The following CSMD1 variants were observed in gnomAD, a reference collection of about 807,000 sequenced individuals.
The protein encoded by CSMD1 is CUB and sushi domain-containing protein 1.
In CSMD1, 213 loss-of-function variants were observed where a neutral mutation model predicts 417.5. That is an observed-to-expected ratio of 0.51 (90% confidence interval 0.46 to 0.57). CSMD1 has a LOEUF of 0.57. Ranked by LOEUF, CSMD1 falls within the 20% of genes least tolerant of loss-of-function variation. The pLI, the probability that CSMD1 is intolerant of heterozygous loss-of-function variation, is 0.00. For synonymous variants in CSMD1, 2,862 were observed against 1,736.8 expected, an observed-to-expected ratio of 1.65 and a Z score of -16.11; for missense variants, 6,923 against 4,529.7, an observed-to-expected ratio of 1.53 and a Z score of -15.17.
intron 50 of CSMD1, among the ~76,000 whole-genome samples, chr8:3,038,139 C>T (rs773557538): frequency 4.6e-5 from 7 of 152,048 alleles, no homozygotes; most frequent in Admixed American, 4.6e-4. Context: ...AATAGTGTTC[C>T]AACGCTATCG....
chr8:3,402,776 G>T (rs1006376758), intron 15 of CSMD1, among the ~76,000 whole-genome samples: 1 of 151,850 alleles, frequency 6.6e-6, no homozygotes, highest in Non-Finnish European at 1.5e-5. Flanking sequence ...ACTCACTCTT[G>T]CTTTAAATTG....
At chr8:4,451,165 C>G (rs1228956487) in intron 2 of CSMD1, among the ~76,000 whole-genome samples, 9 of 151,814 alleles carry the variant, frequency 5.9e-5, no homozygotes, top group African/African-American at 1.7e-4. Flanking sequence ...CTGTCTCTAT[C>G]AAAATAATAT....
chr8:4,358,011 G>T (rs975368368), intron 3 of CSMD1, among the ~76,000 whole-genome samples: 9 of 151,996 alleles, frequency 5.9e-5, no homozygotes, highest in African/African-American at 2.2e-4. Flanking sequence ...CCCTTCCCAT[G>T]GAACTTCTGT....
At chr8:4,987,802 C>T (rs115574186) in intron 1 of CSMD1, among the ~76,000 whole-genome samples, 238 of 152,324 alleles carry the variant, frequency 1.6e-3, no homozygotes, top group African/African-American at 5.5e-3. Flanking sequence ...AGCCCACATG[C>T]TGAGTCTTCA....
intron 5 of CSMD1, among the ~76,000 whole-genome samples, chr8:3,978,682 C>G (rs1180480459): frequency 6.6e-6 from 1 of 152,144 alleles, no homozygotes; most frequent in Admixed American, 6.6e-5. Flanking sequence ...TCCTGCCCAA[C>G]CCGGCTCTAC....
At chr8:4,448,791 G>T (rs1369804906) in intron 2 of CSMD1, among the ~76,000 whole-genome samples, 1 of 152,132 alleles carries the variant, frequency 6.6e-6, no homozygotes, top group Non-Finnish European at 1.5e-5. Flanking sequence ...GATGTCATCT[G>T]CAGAAGGAGA....
intron 3 of CSMD1, among the ~76,000 whole-genome samples, chr8:4,112,957 G>T (rs750011964): frequency 1.3e-5 from 2 of 152,194 alleles, no homozygotes; most frequent in East Asian, 3.9e-4. Flanking sequence ...GTTACATTTT[G>T]GTAATTCTTT....
intron 8 of CSMD1, among the ~76,000 whole-genome samples, chr8:3,613,559 C>T (rs1226483681): frequency 6.6e-6 from 1 of 151,862 alleles, no homozygotes; most frequent in Non-Finnish European, 1.5e-5. Context: ...AACATCATTA[C>T]AAATTAATAT....
intron 1 of CSMD1, among the ~76,000 whole-genome samples, chr8:4,800,239 G>C (rs1162015507): frequency 6.6e-6 from 1 of 152,040 alleles, no homozygotes; most frequent in Non-Finnish European, 1.5e-5. Context: ...AGGAGTTGGA[G>C]ACGAGACTAG....
intron 3 of CSMD1, among the ~76,000 whole-genome samples, chr8:4,088,441 C>A (rs1800537241): frequency 6.6e-6 from 1 of 152,242 alleles, no homozygotes; most frequent in South Asian, 2.1e-4. Context: ...AATTTCTCAG[C>A]CTCTGTCTCT....
intron 5 of CSMD1, among the ~76,000 whole-genome samples, chr8:3,964,175 G>T (rs1227600648): frequency 1.3e-5 from 2 of 152,150 alleles, no homozygotes; most frequent in African/African-American, 4.8e-5. Context: ...ATCTTAACAA[G>T]TAAACATTAA....
At chr8:3,586,084 C>T (rs1800585963) in intron 9 of CSMD1, 52 bp downstream of exon 9, 9 of 1,565,806 alleles carry the variant, frequency 5.7e-6, no homozygotes, top group South Asian at 3.5e-5. Context: ...CATAAAAATG[C>T]CAACCTTAAA....
chr8:4,265,315 G>C (rs1463558351), intron 3 of CSMD1, among the ~76,000 whole-genome samples: 3 of 151,912 alleles, frequency 2.0e-5, no homozygotes, highest in Non-Finnish European at 4.4e-5. Context: ...ATATACGTTA[G>C]GGAAAAATTC....
intron 3 of CSMD1, among the ~76,000 whole-genome samples, chr8:4,093,938 CAA>C (rs1431215891): frequency 2.7e-5 from 4 of 150,184 alleles, no homozygotes; most frequent in African/African-American, 9.8e-5. Flanking sequence ...CCAACCTGAG[CAA>C]AAGAGTGACT....
At chr8:3,853,052 C>T (rs563578898) in intron 5 of CSMD1, among the ~76,000 whole-genome samples, 2 of 152,270 alleles carry the variant, frequency 1.3e-5, no homozygotes, top group Admixed American at 6.5e-5. Context: ...TGTCATCAGT[C>T]GAGCAACCCA....
Position 3,025,155 on chromosome 8 carries a change from T to C in CSMD1, c.7855+4164A>G, listed in dbSNP as rs983777806. Among the ~76,000 whole-genome samples the C allele has an allele frequency of 1.5e-3, 221 of 146,996 alleles. 2 individuals carry two copies. The highest frequency in any genetic ancestry group is 2.1e-3 in the Non-Finnish European group (140 of 67,088). On this transcript the variant is annotated intron_variant, in intron 51 of 69. Transcript: ENST00000635120. ...GTATTGTGTGGTGTTATTCTGAAAC[T>C]GTGTATTGTGTGGTGTTATTCTGAT...
chr8:3,112,625 T>C (rs1816586262), intron 42 of CSMD1, among the ~76,000 whole-genome samples: 1 of 152,220 alleles, frequency 6.6e-6, no homozygotes, highest in Non-Finnish European at 1.5e-5. Flanking sequence ...GTGGGTTATG[T>C]ACCAGTAAGG....
At chr8:3,476,320 C>A (rs985403063) in intron 11 of CSMD1, among the ~76,000 whole-genome samples, 1 of 152,126 alleles carries the variant, frequency 6.6e-6, no homozygotes, top group Admixed American at 6.5e-5. Context: ...GATTTTAGTT[C>A]TCTTATAAAA....
chr8:3,985,794 C>G (rs889568510), intron 5 of CSMD1, among the ~76,000 whole-genome samples: 1 of 149,002 alleles, frequency 6.7e-6, no homozygotes, highest in Admixed American at 6.7e-5. Context: ...CTCACCCTGT[C>G]GCCCAGATTG....
Sources: gnomAD v4.1 joint callset for allele counts (sites outside exome capture counted in the v4.1 genomes callset) on GRCh38, gnomAD v4.1.1 for gene constraint, MANE v1.5 for transcripts, NCBI Gene and HGNC (gene_info 2026-07-23, HGNC 2026-07-21) for gene names.